Variants in HNRNPA0 observed in about 807,000 individuals in gnomAD.
HNRNPA0 encodes the protein heterogeneous nuclear ribonucleoprotein A0.
For synonymous variants in HNRNPA0, 243 were observed against 195.5 expected (o/e 1.24, Z -2.03); for missense variants, 252 against 433.7 (o/e 0.58, Z 3.72).
At position 137,753,443 on chromosome 5, in the gene HNRNPA0, G is replaced by A. The variant is rs374221402; in HGVS notation, c.624C>T (p.Gly208=). 6.4e-7 allele frequency: 1 copy of A among 1,555,340 alleles called. No individual in the cohort carries two copies. Among genetic ancestry groups the A allele is most frequent in the Non-Finnish European group, 8.7e-7 (1 of 1,149,536 alleles). Residue 208 remains glycine (G), a synonymous_variant, in exon 1 of 1, where the codon GGC becomes GGT. Transcript: ENST00000314940. This position sits in a 1 kb window ranked among gnomAD's most constrained non-coding sequence, Gnocchi z 6.1. ...RGRGGGRDQN[G]LSKGGGGGYN... ...AACCGCCGCCGCCGCCCTTGGAAAG[G>A]CCGTTCTGGTCTCGACCACCGCCGC... is the stretch of plus-strand genomic sequence containing the variant.
chr5:137,753,443 G>T lies in HNRNPA0; in HGVS notation c.624C>A (p.Gly208=), dbSNP rs374221402. The part of the protein sequence containing the change: ...RGRGGGRDQN[G]LSKGGGGGYN... ...AACCGCCGCCGCCGCCCTTGGAAAGGCCGTTCTGGTCTCGACCACCGCCGC... is the reference window on the plus strand; with the variant it reads ...AACCGCCGCCGCCGCCCTTGGAAAGTCCGTTCTGGTCTCGACCACCGCCGC... The change falls in exon 1 of 1, where the codon GGC becomes GGA. Residue 208 remains glycine (G), a synonymous_variant. Transcript: ENST00000314940. The surrounding 1 kb of genome is among the most constrained non-coding windows in gnomAD (Gnocchi z 6.1). 5.1e-6 allele frequency: 8 copies of T among 1,555,340 alleles called. No homozygotes were observed. In the Admixed American group the frequency reaches 1.6e-4, roughly 30 times the overall value.
rs746315720 is a variant in HNRNPA0 at position 137,749,193 on chromosome 5, T to C, written c.*3956A>G. ...CACTTGAGAACTTTATAGCAGGAAATGATAGCTATTTCAGATAGATTTTTT... is the reference window on the plus strand; with the variant it reads ...CACTTGAGAACTTTATAGCAGGAAACGATAGCTATTTCAGATAGATTTTTT... On this transcript the variant is annotated 3_prime_UTR_variant, in exon 1 of 1. Transcript: ENST00000314940. 1.4e-4 allele frequency: 22 copies of C among 152,178 alleles called. No individual in the cohort carries two copies. The highest frequency in any genetic ancestry group is 2.4e-4 in the Non-Finnish European group (16 of 68,016). The allele number at this position is 152,178 out of a possible 1,614,324, so 9.4% of individuals were successfully genotyped here. A position where few individuals can be genotyped will look rare whatever the true frequency, so the allele number is the denominator to read the frequency against.
rs1325416925 is a variant in HNRNPA0, at chr5:137,750,799, C to T, written c.*2350G>A. 1 of 152,118 alleles carries T rather than the reference C, an allele frequency of 6.6e-6. No individual in the cohort carries two copies. The highest frequency in any genetic ancestry group is 1.5e-5 in the Non-Finnish European group (1 of 68,014). The allele number at this position is 152,118 out of a possible 1,614,324, so 9.4% of individuals were successfully genotyped here. The stretch of plus-strand genomic sequence containing the variant: ...GTTGCCTTCCTAATACACAGAAAAT[C>T]CTTTTACATAATTCATTTGCAAACT... On this transcript the variant is annotated 3_prime_UTR_variant, in exon 1 of 1. Transcript: ENST00000314940.
chr5:137,754,354 A>T lies in HNRNPA0; in HGVS notation c.-288T>A. The T allele has an allele frequency of 2.3e-6, 1 of 433,658 alleles. No individual in the cohort carries two copies. The allele number at this position is 433,658 out of a possible 1,614,324, so 26.9% of individuals were successfully genotyped here. On this transcript the variant is annotated 5_prime_UTR_variant, in exon 1 of 1. Coordinates refer to ENST00000314940, the MANE Select transcript of HNRNPA0 (RefSeq NM_006805.4). ...ACCTCCGCTCCCCTATCTGGGCACC[A>T]CACAAAGAGGCCGCTGAACGCGCGC...
rs1175149140 is a variant in HNRNPA0, at chr5:137,752,960, GGA to G, written c.*187_*188del. The G allele has an allele frequency of 1.8e-6, 1 of 556,280 alleles. No individual in the cohort carries two copies. Among genetic ancestry groups the G allele is most frequent in the East Asian group, 2.9e-5 (1 of 35,070 alleles). 34.5% of individuals were successfully genotyped at this position (556,280 alleles called of 1,614,324 possible). On this transcript the variant is annotated 3_prime_UTR_variant, in exon 1 of 1. Coordinates refer to ENST00000314940, the MANE Select transcript of HNRNPA0 (RefSeq NM_006805.4). The stretch of plus-strand genomic sequence containing the variant: ...TGTGGGGCCGAGTCCATCTTCAGAG[GGA>G]GAGACAAGAGAGGTGGCAGGCAAAT...
rs1026249668 is a variant in HNRNPA0, at chr5:137,752,005, G to A, written c.*1144C>T. Reference sequence around the variant, plus strand: ...TCCAAATCTGATGCAATTGTCTTAAGCAAGTTTTTAAACAAATTGTTTCGC... The same window carrying A: ...TCCAAATCTGATGCAATTGTCTTAAACAAGTTTTTAAACAAATTGTTTCGC... On this transcript the variant is annotated 3_prime_UTR_variant, in exon 1 of 1. Coordinates refer to ENST00000314940, the MANE Select transcript of HNRNPA0 (RefSeq NM_006805.4). 4.6e-5 allele frequency: 7 copies of A among 152,254 alleles called. No homozygotes were observed. The highest frequency in any genetic ancestry group is 1.7e-4 in the African/African-American group (7 of 41,306). The allele number at this position is 152,254 out of a possible 1,614,324, so 9.4% of individuals were successfully genotyped here. A position where few individuals can be genotyped will look rare whatever the true frequency, so the allele number is the denominator to read the frequency against.
In HNRNPA0 at chr5:137,754,236, G is replaced by C. The variant is rs948862990; in HGVS notation, c.-170C>G. 1.3e-5 allele frequency: 11 copies of C among 822,696 alleles called. No homozygotes were observed. The highest frequency in any genetic ancestry group is 3.5e-5 in the African/African-American group (2 of 57,606). The allele number at this position is 822,696 out of a possible 1,614,324, so 51.0% of individuals were successfully genotyped here. On this transcript the variant is annotated 5_prime_UTR_variant, in exon 1 of 1. Coordinates refer to ENST00000314940, the MANE Select transcript of HNRNPA0 (RefSeq NM_006805.4). Reference sequence around the variant, plus strand: ...GGGAAGGGGAGGGAAGGAAGGAAGAGAGGAAGGGGGAGGGAAGGGGAGCGG... The same window carrying C: ...GGGAAGGGGAGGGAAGGAAGGAAGACAGGAAGGGGGAGGGAAGGGGAGCGG...
rs908078930 is a variant in HNRNPA0, at chr5:137,749,416, T to G, written c.*3733A>C. ...AGAATTGCCCTTCTAGTCTTCCTAC[T>G]TTGGAATTCCTTTTTAAATAGCAGC... On this transcript the variant is annotated 3_prime_UTR_variant, in exon 1 of 1. Coordinates refer to ENST00000314940, the MANE Select transcript of HNRNPA0 (RefSeq NM_006805.4). 2 of 152,196 alleles carry G rather than the reference T, an allele frequency of 1.3e-5. No homozygotes were observed. The highest frequency in any genetic ancestry group is 4.8e-5 in the African/African-American group (2 of 41,446). The allele number at this position is 152,196 out of a possible 1,614,324, so 9.4% of individuals were successfully genotyped here. A position where few individuals can be genotyped will look rare whatever the true frequency, so the allele number is the denominator to read the frequency against.
In HNRNPA0 at chr5:137,753,091, C is replaced by T. The variant is rs572519141; in HGVS notation, c.*58G>A. On this transcript the variant is annotated 3_prime_UTR_variant, in exon 1 of 1. Transcript: ENST00000314940. This position sits in a 1 kb window ranked among gnomAD's most constrained non-coding sequence, Gnocchi z 6.1. ...GGGTGGGGCTTAGGAGTTGACCCCACTTGGGCTGTTGGAAAGAGCTACCCC... is the reference window on the plus strand; with the variant it reads ...GGGTGGGGCTTAGGAGTTGACCCCATTTGGGCTGTTGGAAAGAGCTACCCC... 5.1e-5 allele frequency: 79 copies of T among 1,539,616 alleles called. 2 individuals are homozygous for T. The East Asian group carries it at 1.8e-3, about 34-fold the overall frequency.
chr5:137,753,000 C>A lies in HNRNPA0; in HGVS notation c.*149G>T, dbSNP rs1753532324. ...GTGGCAGGCAAATAGAGGAACACCC[C>A]CAAGGGTAAGCAGCCTTAGAAGTGG... is the stretch of plus-strand genomic sequence containing the variant. On this transcript the variant is annotated 3_prime_UTR_variant, in exon 1 of 1. Coordinates refer to ENST00000314940, the MANE Select transcript of HNRNPA0 (RefSeq NM_006805.4). 8 of 775,684 alleles carry A rather than the reference C, an allele frequency of 1.0e-5. No homozygotes were observed. The highest frequency in any genetic ancestry group is 2.7e-5 in the East Asian group (1 of 37,084). The allele number at this position is 775,684 out of a possible 1,614,324, so 48.1% of individuals were successfully genotyped here. A position where few individuals can be genotyped will look rare whatever the true frequency, so the allele number is the denominator to read the frequency against.
In HNRNPA0 at chr5:137,753,085, AC is replaced by A; in HGVS notation, c.*63del. 6.6e-7 allele frequency: 1 copy of A among 1,504,242 alleles called. No individual in the cohort carries two copies. Among genetic ancestry groups the A allele is most frequent in the Admixed American group, 2.0e-5 (1 of 51,182 alleles). The allele number at this position is 1,504,242 out of a possible 1,614,324, so 93.2% of individuals were successfully genotyped here. A position where few individuals can be genotyped will look rare whatever the true frequency, so the allele number is the denominator to read the frequency against. ...GTGAGGGGGTGGGGCTTAGGAGTTG[AC>A]CCCACTTGGGCTGTTGGAAAGAGCT... On this transcript the variant is annotated 3_prime_UTR_variant, in exon 1 of 1. Transcript: ENST00000314940. This position sits in a 1 kb window ranked among gnomAD's most constrained non-coding sequence, Gnocchi z 6.1.
rs1056524641 is a variant in HNRNPA0, at chr5:137,749,846, A to G, written c.*3303T>C. 1 of 152,190 alleles carries G rather than the reference A, an allele frequency of 6.6e-6. No homozygotes were observed. Among genetic ancestry groups the G allele is most frequent in the African/African-American group, 2.4e-5 (1 of 41,458 alleles). The allele number at this position is 152,190 out of a possible 1,614,324, so 9.4% of individuals were successfully genotyped here. A position where few individuals can be genotyped will look rare whatever the true frequency, so the allele number is the denominator to read the frequency against. On this transcript the variant is annotated 3_prime_UTR_variant, in exon 1 of 1. Transcript: ENST00000314940. ...AAGGTAAACTAAGTTTACAAATCCA[A>G]TAACTGATACCATCACTTCTGGTTT... is the stretch of plus-strand genomic sequence containing the variant.
chr5:137,752,831 A>C lies in HNRNPA0; in HGVS notation c.*318T>G, dbSNP rs941467820. ...AGTTCACTCCCTCCCTCCCCCCAAA[A>C]AACACAAATTAAAACAAGACATTTT... On this transcript the variant is annotated 3_prime_UTR_variant, in exon 1 of 1. Transcript: ENST00000314940. 2 of 208,318 alleles carry C rather than the reference A, an allele frequency of 9.6e-6. No individual in the cohort carries two copies. The highest frequency in any genetic ancestry group is 4.7e-5 in the African/African-American group (2 of 43,002). The allele number at this position is 208,318 out of a possible 1,614,324, so 12.9% of individuals were successfully genotyped here. A position where few individuals can be genotyped will look rare whatever the true frequency, so the allele number is the denominator to read the frequency against.
In HNRNPA0 at chr5:137,749,594, G is replaced by A. The variant is rs1753463821; in HGVS notation, c.*3555C>T. The A allele has an allele frequency of 6.6e-6, 1 of 152,156 alleles. No homozygotes were observed. Among genetic ancestry groups the A allele is most frequent in the Non-Finnish European group, 1.5e-5 (1 of 68,010 alleles). 9.4% of individuals were successfully genotyped at this position (152,156 alleles called of 1,614,324 possible). ...TTTCAAAAGGCCAAAATAAGGCTGA[G>A]GAGGAAAATTTCCCCAATGATCACT... On this transcript the variant is annotated 3_prime_UTR_variant, in exon 1 of 1. Coordinates refer to ENST00000314940, the MANE Select transcript of HNRNPA0 (RefSeq NM_006805.4).
At position 137,746,453 on chromosome 5, in the gene HNRNPA0, T is replaced by G. The variant is rs941303567; in HGVS notation, c.*6696A>C. 5 of 152,200 alleles carry G rather than the reference T, an allele frequency of 3.3e-5. No homozygotes were observed. The highest frequency in any genetic ancestry group is 4.4e-5 in the Non-Finnish European group (3 of 68,046). 9.4% of individuals were successfully genotyped at this position (152,200 alleles called of 1,614,324 possible). The stretch of plus-strand genomic sequence containing the variant: ...TTCAGGTCCAACAACCCTGAACAAT[T>G]TGCATTTCTTCAGAGGCCAGACACA... On this transcript the variant is annotated 3_prime_UTR_variant, in exon 1 of 1. Coordinates refer to ENST00000314940, the MANE Select transcript of HNRNPA0 (RefSeq NM_006805.4).
Position 137,752,112 on chromosome 5 carries a change from GA to G in HNRNPA0, c.*1036del, listed in dbSNP as rs56007433. The G allele has an allele frequency of 8.1e-3, 779 of 96,736 alleles. 3 individuals carry two copies. The highest frequency in any genetic ancestry group is 0.017 in the Middle Eastern group (3 of 178). 6.0% of individuals were successfully genotyped at this position (96,736 alleles called of 1,614,324 possible). On this transcript the variant is annotated 3_prime_UTR_variant, in exon 1 of 1. Transcript: ENST00000314940. The stretch of plus-strand genomic sequence containing the variant: ...CATGAGGCCAACAGTTCGGATATAG[GA>G]AAAAAAAAAAAAAAACGTTTAAACC...
rs751379517 is a variant in HNRNPA0 at position 137,749,764 on chromosome 5, C to T, written c.*3385G>A. The T allele has an allele frequency of 6.6e-6, 1 of 152,106 alleles. No homozygotes were observed. Among genetic ancestry groups the T allele is most frequent in the Non-Finnish European group, 1.5e-5 (1 of 67,992 alleles). 9.4% of individuals were successfully genotyped at this position (152,106 alleles called of 1,614,324 possible). On this transcript the variant is annotated 3_prime_UTR_variant, in exon 1 of 1. Coordinates refer to ENST00000314940, the MANE Select transcript of HNRNPA0 (RefSeq NM_006805.4). The stretch of plus-strand genomic sequence containing the variant: ...CAAATGCCTATCTGCAATCAGCAGA[C>T]GCGGGCAGACAAAATTTAACCTAAA...
rs1017117633 is a variant in HNRNPA0 at position 137,747,157 on chromosome 5, G to C, written c.*5992C>G. 6.6e-6 allele frequency: 1 copy of C among 152,188 alleles called. No homozygotes were observed. The highest frequency in any genetic ancestry group is 2.4e-5 in the African/African-American group (1 of 41,438). 9.4% of individuals were successfully genotyped at this position (152,188 alleles called of 1,614,324 possible). A position where few individuals can be genotyped will look rare whatever the true frequency, so the allele number is the denominator to read the frequency against. On this transcript the variant is annotated 3_prime_UTR_variant, in exon 1 of 1. Coordinates refer to ENST00000314940, the MANE Select transcript of HNRNPA0 (RefSeq NM_006805.4). ...GAGCTATAAGAGGGCCACTGGAGCA[G>C]AGCTGTGGCCACTCACAATCTCTTG...
At position 137,752,266 on chromosome 5, in the gene HNRNPA0, T is replaced by G. The variant is rs952886757; in HGVS notation, c.*883A>C. The G allele has an allele frequency of 6.6e-6, 1 of 152,208 alleles. No homozygotes were observed. Among genetic ancestry groups the G allele is most frequent in the Non-Finnish European group, 1.5e-5 (1 of 68,032 alleles). 9.4% of individuals were successfully genotyped at this position (152,208 alleles called of 1,614,324 possible). On this transcript the variant is annotated 3_prime_UTR_variant, in exon 1 of 1. Transcript: ENST00000314940. ...AAAAATTTTAAACAGTTTATATGAA[T>G]GACATGCTTAACACAAACTATATAG...
Sources: allele counts gnomAD v4.1 joint callset, GRCh38; gene constraint gnomAD v4.1.1; non-coding constraint Gnocchi (gnomAD v3.1); transcripts MANE v1.5; gene names NCBI Gene and HGNC (gene_info 2026-07-23, HGNC 2026-07-21).